PKHD1: variants seen among roughly 807,000 people sequenced by gnomAD.
PKHD1 encodes fibrocystin.
A neutral mutation model predicts 412.0 loss-of-function variants in PKHD1; 291 were observed. The observed-to-expected ratio is 0.71, with a 90% CI of 0.64 to 0.78. PKHD1 has a LOEUF of 0.78. Among genes scored for constraint, PKHD1 ranks in the 30% least tolerant of loss-of-function variants. The pLI is 0.00. For missense variants in PKHD1, 4,825 were observed against 4,950.7 expected (o/e 0.97, Z 0.76); for synonymous variants, 1,777 against 1,821.5 (o/e 0.98, Z 0.62).
At position 51,746,812 on chromosome 6, in the gene PKHD1, T is replaced by A. The variant is rs1450048380; in HGVS notation, c.9907A>T (p.Ser3303Cys). 6.2e-7 allele frequency: 1 copy of A among 1,610,284 alleles called. No homozygotes were observed. The highest frequency in any genetic ancestry group is 8.5e-7 in the Non-Finnish European group (1 of 1,176,672). ...DVCILPNAEN[S>C]GIMHPITAER... is the part of the protein sequence containing the mutation. ...GCTGTTATTGGGTGCATAATTCCACTGTTCTCTGCATTTGGTAGAATGCAG... is the reference window on the plus strand; with the variant it reads ...GCTGTTATTGGGTGCATAATTCCACAGTTCTCTGCATTTGGTAGAATGCAG... The change falls in exon 59 of 67, where the codon AGT becomes TGT. Residue 3303 changes from serine (S) to cysteine (C), a missense_variant. Transcript: ENST00000371117.
intron 21 of PKHD1, among the ~76,000 whole-genome samples, chr6:52,052,621 G>C (rs1807037220): frequency 6.6e-6 from 1 of 152,170 alleles, no homozygotes; most frequent in African/African-American, 2.4e-5. Flanking sequence ...TTAACTCATG[G>C]AAAGGTGGAG....
chr6:51,650,735 GAA>G (rs1770813888), intron 61 of PKHD1, among the ~76,000 whole-genome samples: 1 of 152,092 alleles, frequency 6.6e-6, no homozygotes, highest in African/African-American at 2.4e-5. Flanking sequence ...GTGGTCCTAA[GAA>G]GCTCTTTAGT....
intron 43 of PKHD1, among the ~76,000 whole-genome samples, chr6:51,893,745 G>C (rs1007748460): frequency 2.0e-5 from 3 of 150,478 alleles, no homozygotes; most frequent in Admixed American, 2.0e-4. Context: ...TACATCTATA[G>C]TCACTAGAAA....
intron 35 of PKHD1, among the ~76,000 whole-genome samples, chr6:51,963,911 C>T (rs1792433537): frequency 6.6e-6 from 1 of 152,028 alleles, no homozygotes; most frequent in Non-Finnish European, 1.5e-5. Context: ...TAGTGTTCTT[C>T]CTGGAGATAA....
intron 53 of PKHD1, among the ~76,000 whole-genome samples, chr6:51,784,767 C>T (rs1389827441): frequency 6.6e-6 from 1 of 152,202 alleles, no homozygotes; most frequent in Non-Finnish European, 1.5e-5. Context: ...GACTACCACA[C>T]AAAGCACATT....
At chr6:51,998,058 T>C (rs775099555) in intron 35 of PKHD1, among the ~76,000 whole-genome samples, 18 of 152,220 alleles carry the variant, frequency 1.2e-4, no homozygotes, top group Non-Finnish European at 1.9e-4. Flanking sequence ...AGATTGCACG[T>C]GGCGATAAAT....
In PKHD1 at chr6:51,754,843, A is replaced by T. The variant is rs746402539; in HGVS notation, c.8738T>A (p.Val2913Glu). The change falls in exon 56 of 67, where the codon GTG (valine) becomes GAG (glutamate). Residue 2913 changes from valine to glutamate, a missense_variant. Physicochemically the swap from Val to Glu is moderately radical, Grantham distance 121 (BLOSUM62 -2). Transcript: ENST00000371117. ...YEPHEAEVLT[V>E]KEVKGHHVRI... ...CACATGGTGGCCCTTGACTTCTTTCACAGTGAGGACCTCTGCTTCATGAGG... is the reference window on the plus strand; with the variant it reads ...CACATGGTGGCCCTTGACTTCTTTCTCAGTGAGGACCTCTGCTTCATGAGG... The T allele has an allele frequency of 6.2e-7, 1 of 1,613,368 alleles. No homozygotes were observed. The highest frequency in any genetic ancestry group is 8.5e-7 in the Non-Finnish European group (1 of 1,179,368).
chr6:51,661,587 G>A (rs1772880744), intron 60 of PKHD1, among the ~76,000 whole-genome samples: 1 of 152,014 alleles, frequency 6.6e-6, no homozygotes, highest in African/African-American at 2.4e-5. Flanking sequence ...GGAAGTTGTT[G>A]ATATTAAAGA....
chr6:51,866,204 A>G (rs1775045816), intron 48 of PKHD1, among the ~76,000 whole-genome samples: 1 of 152,112 alleles, frequency 6.6e-6, no homozygotes, highest in Admixed American at 6.5e-5. Context: ...GGGTCAGTTG[A>G]GTATTTGTCC....
At chr6:51,934,365 G>C in intron 36 of PKHD1, 43 bp from the exon 37 acceptor site, 1 of 1,328,456 alleles carries the variant, frequency 7.5e-7, no homozygotes, top group Non-Finnish European at 1.1e-6. Flanking sequence ...GGAGGATAAG[G>C]CTTACCGTTT....
chr6:51,657,366 T>A (rs192672864), intron 61 of PKHD1, among the ~76,000 whole-genome samples: 91 of 152,282 alleles, frequency 6.0e-4, no homozygotes, highest in South Asian at 1.2e-3. Context: ...TAATTCTCAT[T>A]GAATGCCATA....
chr6:51,833,189 C>A lies in PKHD1; in HGVS notation c.8174-2200G>T, dbSNP rs115551419. The stretch of plus-strand genomic sequence containing the variant: ...ATGATTGTTCTCTAAAACCTCACGC[C>A]AAGCTTCAGGAATCTTTAGTTACTC... On this transcript the variant is annotated intron_variant, in intron 51 of 66. Transcript: ENST00000371117. 2.2e-3 allele frequency among the ~76,000 whole-genome samples: 335 copies of A among 152,216 alleles called. 1 individual carries two copies. The highest frequency in any genetic ancestry group is 7.5e-3 in the African/African-American group (310 of 41,548).
In PKHD1 at chr6:52,022,946, T is replaced by C; in HGVS notation, c.5237-2A>G. The C allele has an allele frequency of 6.2e-7, 1 of 1,614,076 alleles. No individual in the cohort carries two copies. The highest frequency in any genetic ancestry group is 8.5e-7 in the Non-Finnish European group (1 of 1,180,018). On this transcript the variant is annotated splice_acceptor_variant, in intron 32 of 66. Transcript: ENST00000371117. LOFTEE classifies it high-confidence loss of function. Reference sequence around the variant, plus strand: ...GCACCAGCCTTCCACCCAGGCAGCCTTTAAAGACAAAGGTACAAGTTCTTG... The same window carrying C: ...GCACCAGCCTTCCACCCAGGCAGCCCTTAAAGACAAAGGTACAAGTTCTTG...
intron 35 of PKHD1, among the ~76,000 whole-genome samples, chr6:51,964,574 T>C (rs1020811835): frequency 2.0e-5 from 3 of 152,166 alleles, no homozygotes; most frequent in Admixed American, 2.0e-4. Flanking sequence ...CTTGCTTTTC[T>C]GCTGTATCCC....
intron 35 of PKHD1, among the ~76,000 whole-genome samples, chr6:51,978,839 C>T (rs369370427): frequency 6.6e-6 from 1 of 152,212 alleles, no homozygotes; most frequent in African/African-American, 2.4e-5. Context: ...AAATCTGTAT[C>T]TCAAACTCTG....
At chr6:52,066,885 G>A (rs796333829) in intron 11 of PKHD1, among the ~76,000 whole-genome samples, 6 of 152,188 alleles carry the variant, frequency 3.9e-5, no homozygotes, top group African/African-American at 1.2e-4. Context: ...GCGTGACAGA[G>A]CGAGACCCTG....
intron 52 of PKHD1, among the ~76,000 whole-genome samples, chr6:51,796,206 G>A (rs1455204607): frequency 6.3e-5 from 6 of 95,792 alleles, no homozygotes; most frequent in African/African-American, 1.9e-4. Context: ...ATCTATTCAG[G>A]GATTCAATTC....
rs776581612 is a variant in PKHD1, at chr6:52,025,457, G to T, written c.4353C>A (p.Pro1451=). ...ILCQVSLEGD[P]LPGASFSLNV... ...TCAGGGAGAAGGAAGCTCCAGGCAA[G>T]GGGTCACCCTCCAGGCTAACCTGGC... is the stretch of plus-strand genomic sequence containing the variant. The change falls in exon 32 of 67, where the codon CCC becomes CCA. Residue 1451 remains proline, a synonymous_variant. Transcript: ENST00000371117. 5 of 1,608,432 alleles carry T rather than the reference G, an allele frequency of 3.1e-6. No homozygotes were observed. The highest frequency in any genetic ancestry group is 3.4e-6 in the Non-Finnish European group (4 of 1,176,394).
intron 35 of PKHD1, among the ~76,000 whole-genome samples, chr6:51,983,622 G>A (rs1227677787): frequency 6.6e-6 from 1 of 152,234 alleles, no homozygotes; most frequent in Non-Finnish European, 1.5e-5. Flanking sequence ...CAAACTCGAA[G>A]CGGAGGTGAA....
Sources: allele counts gnomAD v4.1 joint callset (sites outside exome capture counted in the v4.1 genomes callset), GRCh38; gene constraint gnomAD v4.1.1; transcripts MANE v1.5; gene names NCBI Gene and HGNC (gene_info 2026-07-23, HGNC 2026-07-21).